COL22A1: variants seen among roughly 807,000 people sequenced by gnomAD.
The protein encoded by COL22A1 is collagen alpha-1(XXII) chain.
A neutral mutation model predicts 248.9 loss-of-function variants in COL22A1; 221 were observed. That is an observed-to-expected ratio of 0.89 (90% confidence interval 0.80 to 0.99). The LOEUF (loss-of-function observed/expected upper bound fraction) is 0.99. Ranked by LOEUF, COL22A1 falls within the 50% of genes least tolerant of loss-of-function variation. The pLI is 0.00. For missense variants in COL22A1, 2,240 were observed against 2,179.0 expected (o/e 1.03, Z -0.56); for synonymous variants, 891 against 793.4 (o/e 1.12, Z -2.07).
chr8:138,795,843 C>T (rs1277512257), intron 12 of COL22A1, among the ~76,000 whole-genome samples: 1 of 152,112 alleles, frequency 6.6e-6, no homozygotes, highest in Non-Finnish European at 1.5e-5. Flanking sequence ...AGAGAATGAG[C>T]TGGCCACAGG....
intron 1 of COL22A1, among the ~76,000 whole-genome samples, chr8:138,895,845 T>C (rs1234995217): frequency 3.3e-5 from 5 of 152,246 alleles, no homozygotes; most frequent in Non-Finnish European, 7.3e-5. Flanking sequence ...AAGAAATTTA[T>C]GCTTAAATAC....
chr8:138,906,861 C>T (rs535617093), intron 1 of COL22A1, among the ~76,000 whole-genome samples: 21 of 152,280 alleles, frequency 1.4e-4, no homozygotes, highest in African/African-American at 5.1e-4. Context: ...CCATGTTGGC[C>T]AGGCTGGTCT....
chr8:138,616,267 T>C (rs1305009653), intron 54 of COL22A1, among the ~76,000 whole-genome samples: 1 of 152,206 alleles, frequency 6.6e-6, no homozygotes, highest in Admixed American at 6.5e-5. Context: ...CCTGGAGCCA[T>C]GCTGTGCCTC....
intron 30 of COL22A1, 78 bp from the exon 31 acceptor site, chr8:138,703,425 C>G (rs1333297033): frequency 2.2e-6 from 3 of 1,352,402 alleles, no homozygotes; most frequent in Non-Finnish European, 2.1e-6. Flanking sequence ...TCAGCTAACA[C>G]TATTTTCCCC....
At chr8:138,600,627 G>A (rs1015635060) in intron 60 of COL22A1, among the ~76,000 whole-genome samples, 19 of 152,280 alleles carry the variant, frequency 1.2e-4, no homozygotes, top group South Asian at 2.1e-4. Flanking sequence ...GATGGAAGGG[G>A]CACAAAGTTT....
chr8:138,793,022 G>A (rs146078102), intron 12 of COL22A1, among the ~76,000 whole-genome samples: 1 of 152,340 alleles, frequency 6.6e-6, no homozygotes, highest in East Asian at 1.9e-4. Flanking sequence ...GAGTAAGTAT[G>A]AAATACCCTT....
chr8:138,763,144 T>TG (rs1349011170), intron 16 of COL22A1, among the ~76,000 whole-genome samples: 1 of 152,086 alleles, frequency 6.6e-6, no homozygotes, highest in African/African-American at 2.4e-5. Context: ...CCCAGCACTT[T>TG]GGGGGGCTGA....
chr8:138,796,702 CCT>C (rs1816569607), intron 12 of COL22A1, 115 bp downstream of exon 12: 2 of 782,292 alleles, frequency 2.6e-6, no homozygotes, highest in African/African-American at 1.7e-5. Flanking sequence ...GCCCAGGACA[CCT>C]CTTTTCCCCC....
Position 138,627,755 on chromosome 8 carries a change from T to A in COL22A1, c.3664-1512A>T, listed in dbSNP as rs143641684. Reference sequence around the variant, plus strand: ...TGCCTGCAGTACACCCTTGCTTTATTGTTCCTACCGGATGAGTTCAAGGCT... The same window carrying A: ...TGCCTGCAGTACACCCTTGCTTTATAGTTCCTACCGGATGAGTTCAAGGCT... On this transcript the variant is annotated intron_variant, in intron 50 of 64. Coordinates refer to ENST00000303045, the MANE Select transcript of COL22A1 (RefSeq NM_152888.3). 6.1e-4 allele frequency among the ~76,000 whole-genome samples: 93 copies of A among 152,332 alleles called. 1 individual carries two copies. The highest frequency in any genetic ancestry group is 2.1e-3 in the African/African-American group (87 of 41,584).
intron 10 of COL22A1, among the ~76,000 whole-genome samples, chr8:138,804,791 GGTGT>G (rs375153666): frequency 0.067 from 8,162 of 122,294 alleles, 738 homozygotes; most frequent in African/African-American, 0.27. Context: ...AGGTGCGTGT[GGTGT>G]GTGTGTGTGT....
At position 138,715,704 on chromosome 8, in the gene COL22A1, A is replaced by G. The variant is rs1563657371; in HGVS notation, c.2495T>C (p.Leu832Pro). The G allele has an allele frequency of 6.2e-7, 1 of 1,612,678 alleles. No homozygotes were observed. Among genetic ancestry groups the G allele is most frequent in the Non-Finnish European group, 8.5e-7 (1 of 1,179,100 alleles). The stretch of plus-strand genomic sequence containing the variant: ...TACCTTTTCACCTCGGTCACCTTTC[A>G]GTCCTGGAAGTCCCAGTTCACCTTT... ...GEKGELGLPG[L>P]KGDRGEKGEA... Residue 832 changes from leucine (L) to proline (P), a missense_variant, in exon 30 of 65, where the codon CTG (leucine) becomes CCG (proline). Physicochemically the swap from Leu to Pro is moderately conservative, Grantham distance 98. Transcript: ENST00000303045.
chr8:138,705,840 T>A (rs536642944), intron 30 of COL22A1, among the ~76,000 whole-genome samples: 1 of 152,000 alleles, frequency 6.6e-6, no homozygotes, highest in East Asian at 1.9e-4. Context: ...GACTGGCAAA[T>A]TGGATAAAGA....
At chr8:138,605,072 G>A (rs1355470568) in intron 58 of COL22A1, among the ~76,000 whole-genome samples, 1 of 152,130 alleles carries the variant, frequency 6.6e-6, no homozygotes, top group Non-Finnish European at 1.5e-5. Context: ...TTGTGATCAG[G>A]AGGCCTCTCT....
intron 37 of COL22A1, among the ~76,000 whole-genome samples, chr8:138,688,322 A>T (rs796703027): frequency 4.6e-5 from 7 of 152,056 alleles, no homozygotes; most frequent in African/African-American, 1.7e-4. Context: ...GGAGTTTGAG[A>T]CCAGCCTGAG....
chr8:138,623,721 G>C lies in COL22A1; in HGVS notation c.3771+11C>G, dbSNP rs1820015423. On this transcript the variant is annotated intron_variant, in intron 52 of 64. Transcript: ENST00000303045. ...GGCATGTGATATAATAGGAAGTTTA[G>C]AGTCCTTTACCGGCTCTCCAGGGGG... 2 of 1,607,458 alleles carry C rather than the reference G, an allele frequency of 1.2e-6. No homozygotes were observed. Among genetic ancestry groups the C allele is most frequent in the Non-Finnish European group, 1.7e-6 (2 of 1,177,658 alleles).
chr8:138,760,147 C>A, intron 18 of COL22A1, 96 bp downstream of exon 18: 2 of 1,037,714 alleles, frequency 1.9e-6, no homozygotes, highest in Non-Finnish European at 2.7e-6. Context: ...GAGTTGCCAC[C>A]CAGGCCCCTT....
chr8:138,689,008 G>A (rs760447377), intron 36 of COL22A1, 38 bp from the exon 37 acceptor site: 12 of 1,563,006 alleles, frequency 7.7e-6, no homozygotes, highest in South Asian at 2.2e-5. Context: ...TGAATTTAAA[G>A]ATGACTGGTC....
chr8:138,635,206 G>A, intron 48 of COL22A1, 143 bp from the exon 49 acceptor site: 2 of 594,322 alleles, frequency 3.4e-6, no homozygotes, highest in Non-Finnish European at 2.9e-6. Context: ...ACAATAAAAG[G>A]GACTTCTTTT....
chr8:138,807,784 C>T lies in COL22A1; in HGVS notation c.1478G>A (p.Gly493Glu), dbSNP rs150078954. ...KGEMGVAGPM[G>E]LPGPKGDIGA... ...TGTACTGACCTTTGGACCAGGGAGCCCCATGGGGCCAGCAACTCCCATTTC... is the reference window on the plus strand; with the variant it reads ...TGTACTGACCTTTGGACCAGGGAGCTCCATGGGGCCAGCAACTCCCATTTC... The change falls in exon 10 of 65, where the codon GGG becomes GAG. Residue 493 changes from glycine (G) to glutamate (E), a missense_variant. Physicochemically the swap from Gly to Glu is moderately conservative, Grantham distance 98. Transcript: ENST00000303045. 4 of 1,613,854 alleles carry T rather than the reference C, an allele frequency of 2.5e-6. No homozygotes were observed. In the Admixed American group the frequency reaches 6.7e-5, roughly 27 times the overall value.
Sources: gnomAD v4.1 joint callset for allele counts (sites outside exome capture counted in the v4.1 genomes callset) on GRCh38, gnomAD v4.1.1 for gene constraint, MANE v1.5 for transcripts, NCBI Gene and HGNC (gene_info 2026-07-23, HGNC 2026-07-21) for gene names.